The following JDP2 variants were observed in gnomAD, a reference collection of about 807,000 sequenced individuals.
JDP2 encodes Jun dimerization protein 2, also known as progesterone receptor co-activator.
In JDP2, 9 loss-of-function variants were observed where a neutral mutation model predicts 17.1. The observed-to-expected ratio is 0.53, with a 90% confidence interval of 0.32 to 0.92. The LOEUF (loss-of-function observed/expected upper bound fraction) is 0.92. Ranked by LOEUF, JDP2 falls within the 40% of genes least tolerant of loss-of-function variation. The probability of loss-of-function intolerance (pLI) is 0.04; values close to 1 mark genes in which losing one functional copy is unlikely to be tolerated. For missense variants in JDP2, 179 were observed against 220.0 expected, an observed-to-expected ratio of 0.81 and a Z score of 1.18; for synonymous variants, 107 against 95.6, an observed-to-expected ratio of 1.12 and a Z score of -0.69.
At chr14:75,431,322 G>C (rs1014197999) in intron 1 of JDP2, among the ~76,000 whole-genome samples, 2 of 152,254 alleles carry the variant, frequency 1.3e-5, no homozygotes, top group African/African-American at 4.8e-5. Flanking sequence ...GGTCTCCAGG[G>C]AAGAGCAGGA....
At chr14:75,448,105 G>T (rs1043911644) in intron 2 of JDP2, among the ~76,000 whole-genome samples, 2 of 151,972 alleles carry the variant, frequency 1.3e-5, no homozygotes, top group African/African-American at 4.8e-5. Context: ...TAAAGGTTTT[G>T]CACCAGCCAA....
At chr14:75,432,478 C>A in intron 1 of JDP2, 1 of 777,270 alleles carries the variant, frequency 1.3e-6, no homozygotes, top group Non-Finnish European at 2.1e-6. Context: ...GTCTCAGTCG[C>A]CATTGCCCAT....
chr14:75,452,305 G>C (rs1336818867), intron 2 of JDP2, among the ~76,000 whole-genome samples: 1 of 152,152 alleles, frequency 6.6e-6, no homozygotes, highest in Non-Finnish European at 1.5e-5. Context: ...ACTCCACCTC[G>C]CTGAGCCTCA....
intron 2 of JDP2, among the ~76,000 whole-genome samples, chr14:75,450,402 CTGGAGCTTAGTT>C (rs1885793620): frequency 6.6e-6 from 1 of 152,232 alleles, no homozygotes; most frequent in East Asian, 1.9e-4. Flanking sequence ...GAATCTAAGG[CTGGAGCTTAGTT>C]TGCAGCCCTG....
At chr14:75,455,182 G>A (rs1886046084) in intron 2 of JDP2, among the ~76,000 whole-genome samples, 1 of 152,164 alleles carries the variant, frequency 6.6e-6, no homozygotes. Context: ...GATTCAGTAG[G>A]TCTGGGTGGC....
chr14:75,457,892 G>A (rs1374169946), intron 2 of JDP2, among the ~76,000 whole-genome samples: 1 of 152,258 alleles, frequency 6.6e-6, no homozygotes, highest in African/African-American at 2.4e-5. Context: ...CTGGGGAAAA[G>A]GCCATGCAGA....
chr14:75,441,604 A>T (rs978758444), intron 2 of JDP2, among the ~76,000 whole-genome samples: 1 of 152,248 alleles, frequency 6.6e-6, no homozygotes, highest in Non-Finnish European at 1.5e-5. Context: ...AAGAAAAATT[A>T]AGCAGACCAA....
chr14:75,447,188 G>A (rs1789263985), intron 2 of JDP2, among the ~76,000 whole-genome samples: 1 of 152,220 alleles, frequency 6.6e-6, no homozygotes, highest in Non-Finnish European at 1.5e-5. Context: ...GTTCTAACCT[G>A]TAGCCATTAG....
rs1431692912 is a variant in JDP2, at chr14:75,428,702, T to C, written c.-24+450T>C. ...GTGCGGGGTTGGGGTCGGGGTTAGA[T>C]TGTGGAGGGATGACAAGGACCTCCT... On this transcript the variant is annotated intron_variant, in intron 1 of 3. Transcript: ENST00000651602. This position sits in a 1 kb window ranked among gnomAD's most constrained non-coding sequence, Gnocchi z 5.6. 1 of 151,886 alleles carries C rather than the reference T, an allele frequency of 6.6e-6. No homozygotes were observed. The highest frequency in any genetic ancestry group is 1.5e-5 in the Non-Finnish European group (1 of 68,018). The allele number at this position is 151,886 out of a possible 1,614,324, so 9.4% of individuals were successfully genotyped here. A position where few individuals can be genotyped will look rare whatever the true frequency, so the allele number is the denominator to read the frequency against.
intron 2 of JDP2, among the ~76,000 whole-genome samples, chr14:75,438,927 G>A (rs1313654518): frequency 6.6e-6 from 1 of 152,240 alleles, no homozygotes; most frequent in Non-Finnish European, 1.5e-5. Context: ...TCCCAGCAGC[G>A]CCGTTTCTTC....
At chr14:75,462,359 C>T (rs1440020288) in intron 3 of JDP2, among the ~76,000 whole-genome samples, 5 of 152,268 alleles carry the variant, frequency 3.3e-5, no homozygotes, top group South Asian at 2.1e-4. Context: ...AACATAGGGG[C>T]GGGTCCTATT....
chr14:75,458,858 C>T (rs1339602855), intron 2 of JDP2, among the ~76,000 whole-genome samples: 1 of 152,180 alleles, frequency 6.6e-6, no homozygotes, highest in Non-Finnish European at 1.5e-5. Flanking sequence ...GAGGGCCTGG[C>T]TGGCTTGGAG....
At position 75,445,371 on chromosome 14, in the gene JDP2, T is replaced by G. The variant is rs927646713; in HGVS notation, c.201+7250T>G. ...CTGCCATATGCTGGGGCTCATTGAC[T>G]GTGCTCTGCTCTGTGGCTACAGGAT... On this transcript the variant is annotated intron_variant, in intron 2 of 3. Coordinates refer to ENST00000651602, the MANE Select transcript of JDP2 (RefSeq NM_001135048.2). The G allele has an allele frequency of 6.1e-6, 6 of 985,394 alleles. No individual in the cohort carries two copies. In the East Asian group the frequency reaches 3.4e-4, roughly 56 times the overall value. The allele number at this position is 985,394 out of a possible 1,614,324, so 61.0% of individuals were successfully genotyped here. A position where few individuals can be genotyped will look rare whatever the true frequency, so the allele number is the denominator to read the frequency against.
intron 2 of JDP2, among the ~76,000 whole-genome samples, chr14:75,442,127 G>T (rs1174992090): frequency 6.6e-6 from 1 of 152,128 alleles, no homozygotes; most frequent in Non-Finnish European, 1.5e-5. Context: ...TCGTTAAGGG[G>T]CAGGAGTCGG....
intron 2 of JDP2, among the ~76,000 whole-genome samples, chr14:75,456,347 T>C (rs1021870553): frequency 2.6e-5 from 4 of 152,212 alleles, no homozygotes; most frequent in Non-Finnish European, 5.9e-5. Flanking sequence ...ATCTCCGTGT[T>C]CTGTGTGTTT....
Position 75,437,984 on chromosome 14 carries a change from C to A in JDP2, c.64C>A (p.Leu22Met). ...AGGCTCCCTGCCAGGGCTTGGCCCC[C>A]TGACCGGGCTCCCCAGCTCGGCCCT... The part of the protein sequence containing the change: ...TTGSLPGLGP[L>M]TGLPSSALTV... The change falls in exon 2 of 4, where the codon CTG (leucine) becomes ATG (methionine). Residue 22 changes from leucine to methionine, a missense_variant. Physicochemically the swap from Leu to Met is conservative, Grantham distance 15 (BLOSUM62 2). Transcript: ENST00000651602. 1.2e-6 allele frequency: 2 copies of A among 1,613,616 alleles called. No individual in the cohort carries two copies. The highest frequency in any genetic ancestry group is 1.7e-6 in the Non-Finnish European group (2 of 1,179,800).
At chr14:75,455,915 G>A (rs564063964) in intron 2 of JDP2, among the ~76,000 whole-genome samples, 26 of 152,250 alleles carry the variant, frequency 1.7e-4, no homozygotes, top group Middle Eastern at 3.4e-3. Context: ...TTTTATTGGC[G>A]GCTGCTTAAG....
chr14:75,432,050 G>A (rs1884822182), intron 1 of JDP2: 2 of 550,192 alleles, frequency 3.6e-6, no homozygotes, highest in South Asian at 4.7e-5. Context: ...GACAGAGCTA[G>A]GATTCACACT....
chr14:75,441,315 G>T (rs1245283084), intron 2 of JDP2, among the ~76,000 whole-genome samples: 1 of 152,228 alleles, frequency 6.6e-6, no homozygotes, highest in African/African-American at 2.4e-5. Context: ...CAGGTTTTGT[G>T]AATTATAAAG....
Sources: allele counts gnomAD v4.1 joint callset (sites outside exome capture counted in the v4.1 genomes callset), GRCh38; gene constraint gnomAD v4.1.1; non-coding constraint Gnocchi (gnomAD v3.1); transcripts MANE v1.5; gene names NCBI Gene and HGNC (gene_info 2026-07-23, HGNC 2026-07-21).